Variants in PARD3 observed in about 807,000 individuals in gnomAD.
The protein encoded by PARD3 is par-3 family cell polarity regulator.
A neutral mutation model predicts 155.4 loss-of-function variants in PARD3; 75 were observed. The observed-to-expected ratio is 0.48, with a 90% confidence interval of 0.40 to 0.58. PARD3 has a LOEUF of 0.58. PARD3 is among the 20% of genes least tolerant of loss of function. The pLI is 0.00. For synonymous variants in PARD3, 576 were observed against 610.5 expected, an observed-to-expected ratio of 0.94 and a Z score of 0.83; for missense variants, 1,642 against 1,721.7, an observed-to-expected ratio of 0.95 and a Z score of 0.82.
rs181718872 is a variant in PARD3, at chr10:34,264,353, A to T, written c.3419+5304T>A. On this transcript the variant is annotated intron_variant, in intron 22 of 24. Transcript: ENST00000374788. The stretch of plus-strand genomic sequence containing the variant: ...TTCCAATATGTTATTTTCAACTTAC[A>T]ATGAGCTTATCAGGACCGAACACCA... 2.6e-5 allele frequency among the ~76,000 whole-genome samples: 4 copies of T among 152,328 alleles called. No individual in the cohort carries two copies. The East Asian group carries it at 7.7e-4, about 29-fold the overall frequency.
intron 2 of PARD3, among the ~76,000 whole-genome samples, chr10:34,566,058 A>G (rs1182139907): frequency 1.3e-5 from 2 of 152,256 alleles, no homozygotes; most frequent in East Asian, 1.9e-4. Flanking sequence ...GGCTGTTCTT[A>G]CTACATGAGG....
At chr10:34,347,168 A>C (rs1394449029) in intron 15 of PARD3, among the ~76,000 whole-genome samples, 1 of 152,268 alleles carries the variant, frequency 6.6e-6, no homozygotes, top group Non-Finnish European at 1.5e-5. Flanking sequence ...TACCAGTAAT[A>C]AAAGTGTTTT....
rs569969047 is a variant in PARD3 at position 34,293,685 on chromosome 10, A to G, written c.3066-9440T>C. Among the ~76,000 whole-genome samples, 3 of 152,312 alleles carry G rather than the reference A, an allele frequency of 2.0e-5. No homozygotes were observed. In the East Asian group the frequency reaches 5.8e-4, roughly 29 times the overall value. On this transcript the variant is annotated intron_variant, in intron 20 of 24. Transcript: ENST00000374788. ...TAATGCATTATTGTTTCATAATACA[A>G]TACTACAAATTGCAAATTACATTTG...
At chr10:34,156,446 A>G (rs1290538786) in intron 22 of PARD3, among the ~76,000 whole-genome samples, 1 of 152,196 alleles carries the variant, frequency 6.6e-6, no homozygotes, top group Non-Finnish European at 1.5e-5. Flanking sequence ...ATTTTGCTGA[A>G]CATCACAATT....
In PARD3 at chr10:34,652,913, A is replaced by G. The variant is rs540443968; in HGVS notation, c.222+43405T>C. On this transcript the variant is annotated intron_variant, in intron 2 of 24. Transcript: ENST00000374788. ...TAAAAATTTGCATTTCAAATAAACA[A>G]TGAGTAGCTAAGGCAAATGGATGAG... Among the ~76,000 whole-genome samples the G allele has an allele frequency of 1.1e-4, 17 of 152,320 alleles. No homozygotes were observed. In the South Asian group the frequency reaches 3.3e-3, roughly 30 times the overall value.
chr10:34,122,182 C>A (rs1947042047), intron 23 of PARD3, among the ~76,000 whole-genome samples: 1 of 152,230 alleles, frequency 6.6e-6, no homozygotes, highest in African/African-American at 2.4e-5. Flanking sequence ...AAAGATCTGG[C>A]ATTCTGCAGC....
chr10:34,345,826 A>T (rs1191002779), intron 15 of PARD3: 21 of 985,014 alleles, frequency 2.1e-5, no homozygotes, highest in Non-Finnish European at 2.3e-5. Flanking sequence ...AATTTCACAA[A>T]TTGCATTTGA....
At chr10:34,311,844 G>C (rs1288388488) in intron 20 of PARD3, among the ~76,000 whole-genome samples, 1 of 152,132 alleles carries the variant, frequency 6.6e-6, no homozygotes, top group African/African-American at 2.4e-5. Context: ...ATCTGGTCAT[G>C]AATCTATCCG....
intron 22 of PARD3, among the ~76,000 whole-genome samples, chr10:34,163,848 C>T (rs1210121590): frequency 6.6e-6 from 1 of 152,078 alleles, no homozygotes; most frequent in Non-Finnish European, 1.5e-5. Flanking sequence ...GGAAGGAGTC[C>T]AATGAGTAAC....
At chr10:34,760,186 G>A (rs546983967) in intron 1 of PARD3, among the ~76,000 whole-genome samples, 4 of 79,652 alleles carry the variant, frequency 5.0e-5, no homozygotes, top group Non-Finnish European at 1.2e-4. Flanking sequence ...GGCGGGGTGT[G>A]GGGGACAGCG....
chr10:34,810,224 AT>A (rs1422201274), intron 1 of PARD3, among the ~76,000 whole-genome samples: 9 of 152,218 alleles, frequency 5.9e-5, no homozygotes, highest in Non-Finnish European at 1.2e-4. Context: ...CCACAGACTT[AT>A]TTTCAAGCAC....
chr10:34,391,501 T>A (rs1396627470), intron 7 of PARD3, among the ~76,000 whole-genome samples: 1 of 152,224 alleles, frequency 6.6e-6, no homozygotes, highest in African/African-American at 2.4e-5. Context: ...ATCATGTAAA[T>A]CTTAGTTGAG....
At chr10:34,396,850 T>A (rs1256245472) in intron 7 of PARD3, among the ~76,000 whole-genome samples, 4 of 152,172 alleles carry the variant, frequency 2.6e-5, no homozygotes, top group African/African-American at 4.8e-5. Flanking sequence ...CAAGCCACCA[T>A]GAAGTTGACA....
At chr10:34,350,590 G>A (rs1022314152) in intron 14 of PARD3, among the ~76,000 whole-genome samples, 6 of 126,466 alleles carry the variant, frequency 4.7e-5, no homozygotes, top group African/African-American at 6.2e-5. Flanking sequence ...CCGAGATCAC[G>A]CCACTGCACT....
At chr10:34,230,363 C>A (rs916437549) in intron 22 of PARD3, among the ~76,000 whole-genome samples, 1 of 152,136 alleles carries the variant, frequency 6.6e-6, no homozygotes, top group African/African-American at 2.4e-5. Flanking sequence ...CTACTCCAGA[C>A]CTCTGCATGA....
At chr10:34,454,053 T>C (rs1249454059) in intron 4 of PARD3, among the ~76,000 whole-genome samples, 2 of 152,230 alleles carry the variant, frequency 1.3e-5, no homozygotes, top group African/African-American at 2.4e-5. Flanking sequence ...AGTGCAGTTA[T>C]TTACAGCAAT....
intron 3 of PARD3, among the ~76,000 whole-genome samples, chr10:34,510,356 C>T (rs1219342989): frequency 1.3e-5 from 2 of 152,142 alleles, no homozygotes; most frequent in Non-Finnish European, 2.9e-5. Flanking sequence ...ATGATAGCTG[C>T]CCCCTAACTA....
At chr10:34,803,739 G>A (rs1222952557) in intron 1 of PARD3, among the ~76,000 whole-genome samples, 1 of 151,966 alleles carries the variant, frequency 6.6e-6, no homozygotes, top group Non-Finnish European at 1.5e-5. Flanking sequence ...GGAGGTGGAG[G>A]TCGCAGTGAG....
chr10:34,572,650 A>T (rs1347101326), intron 2 of PARD3, among the ~76,000 whole-genome samples: 1 of 151,930 alleles, frequency 6.6e-6, no homozygotes, highest in Non-Finnish European at 1.5e-5. Flanking sequence ...CAAAAAAAAA[A>T]AAAAAAACTT....
Sources: allele counts gnomAD v4.1 joint callset (sites outside exome capture counted in the v4.1 genomes callset), GRCh38; gene constraint gnomAD v4.1.1; transcripts MANE v1.5; gene names NCBI Gene and HGNC (gene_info 2026-07-23, HGNC 2026-07-21).